The following TBC1D22A variants were observed in gnomAD, a reference collection of about 807,000 sequenced individuals.
TBC1D22A encodes the protein putative GTPase activator.
TBC1D22A carries 38 observed loss-of-function variants against 60.2 expected under a neutral mutation model. The observed-to-expected ratio is 0.63, with a 90% confidence interval of 0.49 to 0.83. TBC1D22A has a LOEUF of 0.83. TBC1D22A is among the 40% of genes least tolerant of loss of function. TBC1D22A has a pLI of 0.00. For synonymous variants in TBC1D22A, 302 were observed against 281.7 expected (o/e 1.07, Z -0.72); for missense variants, 628 against 701.0 (o/e 0.90, Z 1.18).
intron 1 of TBC1D22A, among the ~76,000 whole-genome samples, chr22:46,784,648 A>G (rs1316587007): frequency 6.6e-6 from 1 of 152,264 alleles, no homozygotes; most frequent in Non-Finnish European, 1.5e-5. Flanking sequence ...ATAATGTTGC[A>G]GAGACTTTTT....
intron 12 of TBC1D22A, among the ~76,000 whole-genome samples, chr22:47,131,171 CA>C (rs1488019793): frequency 6.6e-6 from 1 of 152,216 alleles, no homozygotes; most frequent in Non-Finnish European, 1.5e-5. Flanking sequence ...AGATGCCTCC[CA>C]CCAGGCCCCA....
chr22:47,038,792 G>A (rs1002950185), intron 11 of TBC1D22A, among the ~76,000 whole-genome samples: 8 of 152,172 alleles, frequency 5.3e-5, no homozygotes, highest in African/African-American at 1.9e-4. Context: ...ATTCGTGTCC[G>A]CGACTTGGGT....
intron 1 of TBC1D22A, among the ~76,000 whole-genome samples, chr22:46,763,568 TCAGCCACTGGTGAAAA>T: frequency 6.6e-6 from 1 of 151,906 alleles, no homozygotes; most frequent in East Asian, 1.9e-4. Flanking sequence ...TAGGATAAAA[TCAGCCACTGGTGAAAA>T]CAGATCAGAG....
At chr22:47,118,761 GTCC>G (rs2066163566) in intron 12 of TBC1D22A, among the ~76,000 whole-genome samples, 1 of 151,168 alleles carries the variant, frequency 6.6e-6, no homozygotes, top group Admixed American at 6.6e-5. Context: ...TGAAAACATA[GTCC>G]TCCTCTGTGT....
intron 1 of TBC1D22A, chr22:46,773,891 A>G (rs1018376915): frequency 1.5e-5 from 15 of 973,170 alleles, no homozygotes; most frequent in African/African-American, 5.3e-5. Flanking sequence ...TCAAAGCCAC[A>G]CAGCTCATAA....
chr22:47,088,461 A>G (rs1222477894), intron 11 of TBC1D22A, among the ~76,000 whole-genome samples: 2 of 152,216 alleles, frequency 1.3e-5, no homozygotes, highest in African/African-American at 2.4e-5. Flanking sequence ...AGAACATACC[A>G]AGAATGTTAA....
intron 4 of TBC1D22A, among the ~76,000 whole-genome samples, chr22:46,798,396 A>G (rs1036387201): frequency 2.6e-5 from 4 of 152,158 alleles, no homozygotes; most frequent in Non-Finnish European, 4.4e-5. Context: ...GAGCCCTGCA[A>G]GGGGGCAGGG....
intron 12 of TBC1D22A, among the ~76,000 whole-genome samples, chr22:47,128,431 C>T (rs906318599): frequency 7.3e-6 from 1 of 136,366 alleles, no homozygotes; most frequent in East Asian, 2.2e-4. Context: ...TTCTGTGTTC[C>T]GTCCCTGGCT....
chr22:46,784,727 C>T (rs1485552556), intron 1 of TBC1D22A, among the ~76,000 whole-genome samples: 1 of 152,192 alleles, frequency 6.6e-6, no homozygotes, highest in African/African-American at 2.4e-5. Context: ...AATAGAGATA[C>T]ATTGGGAAAT....
chr22:46,913,367 T>A lies in TBC1D22A; in HGVS notation c.1015+1179T>A, dbSNP rs748570344. ...GGTTGTGGTCGGCCTCAGATTCCCA[T>A]CCTTGCTGTGATCTGGAGAGATGAG... On this transcript the variant is annotated intron_variant, in intron 8 of 12. Coordinates refer to ENST00000337137, the MANE Select transcript of TBC1D22A (RefSeq NM_014346.5). 5 of 1,366,438 alleles carry A rather than the reference T, an allele frequency of 3.7e-6. 1 individual carries two copies. In the African/African-American group the frequency reaches 5.9e-5, roughly 16 times the overall value. 84.6% of individuals were successfully genotyped at this position (1,366,438 alleles called of 1,614,324 possible).
chr22:46,944,402 A>C (rs2072377840), intron 8 of TBC1D22A, among the ~76,000 whole-genome samples: 1 of 152,144 alleles, frequency 6.6e-6, no homozygotes, highest in South Asian at 2.1e-4. Context: ...AATTCTATGC[A>C]TTCCTCTTTT....
At chr22:46,821,058 T>A (rs1308621652) in intron 4 of TBC1D22A, among the ~76,000 whole-genome samples, 5 of 151,348 alleles carry the variant, frequency 3.3e-5, no homozygotes, top group Non-Finnish European at 3.0e-5. Context: ...CCCTGCTTTT[T>A]TTTTTTTTTT....
At chr22:46,949,726 A>C (rs1433022312) in intron 8 of TBC1D22A, among the ~76,000 whole-genome samples, 1 of 152,228 alleles carries the variant, frequency 6.6e-6, no homozygotes, top group Non-Finnish European at 1.5e-5. Flanking sequence ...AAGCACTAAG[A>C]AGCACTAAGA....
intron 4 of TBC1D22A, among the ~76,000 whole-genome samples, chr22:46,842,519 A>G (rs1175069486): frequency 6.6e-6 from 1 of 152,202 alleles, no homozygotes; most frequent in Non-Finnish European, 1.5e-5. Context: ...TAAGTTGTAG[A>G]TATCAGTTCT....
At chr22:46,949,760 A>G (rs2072782826) in intron 8 of TBC1D22A, among the ~76,000 whole-genome samples, 1 of 152,372 alleles carries the variant, frequency 6.6e-6, no homozygotes, top group South Asian at 2.1e-4. Flanking sequence ...AAAGGAAAAG[A>G]AAGTGTTGCA....
intron 12 of TBC1D22A, among the ~76,000 whole-genome samples, chr22:47,114,142 G>C (rs540282915): frequency 1.3e-5 from 2 of 152,172 alleles, no homozygotes; most frequent in East Asian, 1.9e-4. Context: ...AGGGTGCAGC[G>C]TGGGCAGCTG....
chr22:46,989,248 C>G (rs980380787), intron 9 of TBC1D22A, among the ~76,000 whole-genome samples: 1 of 152,168 alleles, frequency 6.6e-6, no homozygotes, highest in Admixed American at 6.5e-5. Context: ...TCCACATCAG[C>G]AAGAAGCCTG....
chr22:47,066,847 C>A (rs1176349088), intron 11 of TBC1D22A, among the ~76,000 whole-genome samples: 1 of 152,220 alleles, frequency 6.6e-6, no homozygotes, highest in African/African-American at 2.4e-5. Flanking sequence ...AGCTCTAACA[C>A]TGGTGTCTGG....
In TBC1D22A at chr22:46,915,707, C is replaced by G. The variant is rs116082063; in HGVS notation, c.1015+3519C>G. 517 of 456,690 alleles carry G rather than the reference C, an allele frequency of 1.1e-3. 2 individuals carry two copies. Among genetic ancestry groups the G allele is most frequent in the African/African-American group, 8.2e-3 (414 of 50,188 alleles). The allele number at this position is 456,690 out of a possible 1,614,324, so 28.3% of individuals were successfully genotyped here. On this transcript the variant is annotated intron_variant, in intron 8 of 12. Coordinates refer to ENST00000337137, the MANE Select transcript of TBC1D22A (RefSeq NM_014346.5). The stretch of plus-strand genomic sequence containing the variant: ...GGCAACAGCAGACAGATCTGTGATG[C>G]CTGAGTGGGAGCTGGGCTCTTTCTG...
Sources: gnomAD v4.1 joint callset for allele counts (sites outside exome capture counted in the v4.1 genomes callset) on GRCh38, gnomAD v4.1.1 for gene constraint, MANE v1.5 for transcripts, NCBI Gene and HGNC (gene_info 2026-07-23, HGNC 2026-07-21) for gene names.